Variants in MEGF9 observed in about 807,000 individuals in gnomAD.
MEGF9 encodes multiple epidermal growth factor-like domains protein 9.
In MEGF9, 6 loss-of-function variants were observed where a neutral mutation model predicts 46.8. That is an observed-to-expected ratio of 0.13 (90% CI 0.07 to 0.25). MEGF9 has a LOEUF of 0.25. Among genes scored for constraint, MEGF9 ranks in the 10% least tolerant of loss-of-function variants. The pLI, the probability that MEGF9 is intolerant of heterozygous loss-of-function variation, is 1.00. For missense variants in MEGF9, 683 were observed against 792.4 expected, an observed-to-expected ratio of 0.86 and a Z score of 1.66; for synonymous variants, 302 against 330.7, an observed-to-expected ratio of 0.91 and a Z score of 0.94.
chr9:120,646,511 C>G (rs1041804577), intron 2 of MEGF9, among the ~76,000 whole-genome samples: 3 of 152,116 alleles, frequency 2.0e-5, no homozygotes, highest in African/African-American at 7.2e-5. Flanking sequence ...TTTTTCACTT[C>G]TGTATGTCTA....
At chr9:120,684,839 C>CT (rs1210619450) in intron 1 of MEGF9, among the ~76,000 whole-genome samples, 2,562 of 144,166 alleles carry the variant, frequency 0.018, 67 homozygotes, top group African/African-American at 0.058. Context: ...ATTTTTTTTT[C>CT]TTTTTTTTTT....
chr9:120,632,176 C>T (rs986619651), intron 2 of MEGF9, among the ~76,000 whole-genome samples: 2 of 152,148 alleles, frequency 1.3e-5, no homozygotes, highest in Admixed American at 6.5e-5. Flanking sequence ...CCACCCACCT[C>T]GGCCTCCCAA....
At chr9:120,624,520 G>T (rs2043515356) in intron 2 of MEGF9, among the ~76,000 whole-genome samples, 1 of 152,002 alleles carries the variant, frequency 6.6e-6, no homozygotes, top group South Asian at 2.1e-4. Flanking sequence ...GAGACACCAT[G>T]CATGGCCAGA....
intron 1 of MEGF9, among the ~76,000 whole-genome samples, chr9:120,701,198 C>G (rs10984984): frequency 6.6e-6 from 1 of 151,360 alleles, no homozygotes; most frequent in Non-Finnish European, 1.5e-5. Flanking sequence ...GTTAACAATG[C>G]TACTACTTCT....
intron 2 of MEGF9, among the ~76,000 whole-genome samples, chr9:120,656,546 CAAAAA>C (rs11446439): frequency 1.1e-5 from 1 of 88,922 alleles, no homozygotes; most frequent in Admixed American, 1.4e-4. Flanking sequence ...GACTCCGTCT[CAAAAA>C]AAAAAAAAAA....
intron 4 of MEGF9, among the ~76,000 whole-genome samples, chr9:120,611,865 A>AGGG (rs572613293): frequency 3.6e-5 from 5 of 137,220 alleles, no homozygotes; most frequent in African/African-American, 1.5e-4. Context: ...GGAAGGAAGA[A>AGGG]AGAGAGAGAG....
At chr9:120,689,864 C>A (rs985888723) in intron 1 of MEGF9, 11 of 486,270 alleles carry the variant, frequency 2.3e-5, no homozygotes, top group Non-Finnish European at 4.7e-5. Flanking sequence ...CCTTTACTTG[C>A]ACATTATGTC....
intron 2 of MEGF9, among the ~76,000 whole-genome samples, chr9:120,654,752 C>T (rs1457367691): frequency 6.6e-6 from 1 of 152,108 alleles, no homozygotes. Flanking sequence ...TGGATGACAG[C>T]TCCATGCATG....
intron 2 of MEGF9, among the ~76,000 whole-genome samples, chr9:120,643,758 C>G (rs1038351849): frequency 6.6e-6 from 1 of 151,392 alleles, no homozygotes; most frequent in Non-Finnish European, 1.5e-5. Context: ...AGACTGGTGC[C>G]ATCATGGCTC....
intron 3 of MEGF9, among the ~76,000 whole-genome samples, chr9:120,612,862 G>A (rs138724019): frequency 6.0e-4 from 88 of 147,374 alleles, no homozygotes; most frequent in African/African-American, 2.2e-3. Context: ...ATTAATAGAA[G>A]AATAGATAAA....
chr9:120,710,490 T>C (rs2043948402), intron 1 of MEGF9, among the ~76,000 whole-genome samples: 1 of 150,282 alleles, frequency 6.7e-6, no homozygotes. Flanking sequence ...GCTGGGTTTG[T>C]GGGAGAAAAA....
rs545520715 is a variant in MEGF9, at chr9:120,660,638, T to C, written c.602-1063A>G. Among the ~76,000 whole-genome samples the C allele has an allele frequency of 5.9e-5, 9 of 152,350 alleles. No homozygotes were observed. The South Asian group carries it at 1.9e-3, about 32-fold the overall frequency. ...AAAAATATTGAGAAGCCCTTAGTTTTAGCCTTCTAATGCAAAGACTCATTT... is the reference window on the plus strand; with the variant it reads ...AAAAATATTGAGAAGCCCTTAGTTTCAGCCTTCTAATGCAAAGACTCATTT... On this transcript the variant is annotated intron_variant, in intron 1 of 5. Coordinates refer to ENST00000373930, the MANE Select transcript of MEGF9 (RefSeq NM_001080497.3).
At chr9:120,711,177 A>G (rs1302647614) in intron 1 of MEGF9, among the ~76,000 whole-genome samples, 1 of 152,216 alleles carries the variant, frequency 6.6e-6, no homozygotes, top group Non-Finnish European at 1.5e-5. Flanking sequence ...GATTTAACAA[A>G]AATACTCTGT....
rs1185586986 is a variant in MEGF9, at chr9:120,630,931, TG to T, written c.804-8177del. On this transcript the variant is annotated intron_variant, in intron 2 of 5. Coordinates refer to ENST00000373930, the MANE Select transcript of MEGF9 (RefSeq NM_001080497.3). ...AAATATCTTCTCCCATTCTGCATAT[TG>T]TCTTTTCACTCTGTTGATTGCTGCC... Among the ~76,000 whole-genome samples, 9 of 152,364 alleles carry T rather than the reference TG, an allele frequency of 5.9e-5. No homozygotes were observed. In the South Asian group the frequency reaches 1.7e-3, roughly 28 times the overall value.
chr9:120,691,587 T>C (rs371119567), intron 1 of MEGF9: 3 of 276,418 alleles, frequency 1.1e-5, no homozygotes, highest in South Asian at 9.1e-5. Flanking sequence ...TCCTGAATGT[T>C]TGGAAAGTAG....
At chr9:120,701,974 C>T (rs915361400) in intron 1 of MEGF9, among the ~76,000 whole-genome samples, 3 of 151,606 alleles carry the variant, frequency 2.0e-5, no homozygotes, top group Admixed American at 6.6e-5. Flanking sequence ...ACCCGGGAGG[C>T]GGAGCTTGCA....
At chr9:120,688,331 A>G (rs1427170964) in intron 1 of MEGF9, among the ~76,000 whole-genome samples, 1 of 152,182 alleles carries the variant, frequency 6.6e-6, no homozygotes, top group East Asian at 1.9e-4. Context: ...CTAACTGTAA[A>G]GTCTGCAAAA....
chr9:120,714,350 G>A lies in MEGF9; in HGVS notation c.9C>T (p.Gly3=). MN[G]GAERAMRSLP... ...GGCTCCTCATGGCGCGCTCGGCTCC[G>A]CCATTCATTCATTCAGCCAGTCGGT... Residue 3 remains glycine, a synonymous_variant, in exon 1 of 6, where the codon GGC becomes GGT. Transcript: ENST00000373930. 7.5e-7 allele frequency: 1 copy of A among 1,327,196 alleles called. No homozygotes were observed. The highest frequency in any genetic ancestry group is 3.3e-5 in the Admixed American group (1 of 29,966). The allele number at this position is 1,327,196 out of a possible 1,614,324, so 82.2% of individuals were successfully genotyped here.
chr9:120,645,463 G>A (rs981147706), intron 2 of MEGF9, among the ~76,000 whole-genome samples: 2 of 152,126 alleles, frequency 1.3e-5, no homozygotes, highest in Admixed American at 6.6e-5. Flanking sequence ...GGTTGTTCAG[G>A]GACCAGGCTT....
Sources: gnomAD v4.1 joint callset for allele counts (sites outside exome capture counted in the v4.1 genomes callset) on GRCh38, gnomAD v4.1.1 for gene constraint, MANE v1.5 for transcripts, NCBI Gene and HGNC (gene_info 2026-07-23, HGNC 2026-07-21) for gene names.